Variants in COPG2 observed in about 807,000 individuals in gnomAD.
COPG2 encodes the protein coatomer subunit gamma-2.
A neutral mutation model predicts 46.3 loss-of-function variants in COPG2; 37 were observed. That is an observed-to-expected ratio of 0.80 (90% confidence interval 0.61 to 1.05). COPG2 has a LOEUF of 1.05. Ranked by LOEUF, COPG2 falls within the 50% of genes least tolerant of loss-of-function variation. The probability of loss-of-function intolerance (pLI) is 0.00; values close to 1 mark genes in which losing one functional copy is unlikely to be tolerated. For missense variants in COPG2, 427 were observed against 387.8 expected (o/e 1.10, Z -0.85); for synonymous variants, 159 against 129.7 (o/e 1.23, Z -1.53).
rs1554452466 is a variant in COPG2 at position 130,613,598 on chromosome 7, C to G, written c.438G>C (p.Gln146His). ...CACTGGAAACTTTATCCACAATGGC[C>G]TGCTTCATGTATCTTTCAATGGCTT... ...MLQAIERYMK[Q>H]AIVDKVSSVS... Residue 146 changes from glutamine (Q) to histidine (H), a missense_variant, in exon 7 of 24, where the codon CAG (glutamine) becomes CAC (histidine). Coordinates refer to ENST00000425248, the MANE Select transcript of COPG2 (RefSeq NM_012133.6). The G allele has an allele frequency of 1.2e-6, 2 of 1,602,400 alleles. No individual in the cohort carries two copies. The highest frequency in any genetic ancestry group is 1.7e-6 in the Non-Finnish European group (2 of 1,173,842).
chr7:130,573,455 A>C (rs1793943528), intron 9 of COPG2, among the ~76,000 whole-genome samples: 1 of 152,126 alleles, frequency 6.6e-6, no homozygotes, highest in South Asian at 2.1e-4. Context: ...AAATATCAGC[A>C]AACTGAATCC....
chr7:130,605,801 C>T (rs372028226), intron 9 of COPG2: 11 of 519,542 alleles, frequency 2.1e-5, no homozygotes, highest in Non-Finnish European at 4.2e-5. Context: ...CCCCATGAGG[C>T]CTGTGTCAGA....
At chr7:130,599,249 T>G (rs1794587142) in intron 9 of COPG2, among the ~76,000 whole-genome samples, 4 of 152,186 alleles carry the variant, frequency 2.6e-5, no homozygotes, top group Admixed American at 2.6e-4. Flanking sequence ...AGGCAGCAGT[T>G]TCACATGACT....
chr7:130,526,196 C>T (rs1029488518), intron 20 of COPG2, among the ~76,000 whole-genome samples: 1 of 151,970 alleles, frequency 6.6e-6, no homozygotes, highest in Non-Finnish European at 1.5e-5. Context: ...TAAGGGAAGG[C>T]GCTGGCCTGA....
At chr7:130,553,104 A>G (rs1446173236) in intron 14 of COPG2, among the ~76,000 whole-genome samples, 4 of 152,228 alleles carry the variant, frequency 2.6e-5, no homozygotes, top group Non-Finnish European at 5.9e-5. Context: ...GCAGGATAAG[A>G]GTATTAGAGG....
chr7:130,507,096 C>T, intron 23 of COPG2, among the ~76,000 whole-genome samples, 178 bp downstream of exon 23: 1 of 152,146 alleles, frequency 6.6e-6, no homozygotes, highest in East Asian at 1.9e-4. Context: ...GCCAAATGTA[C>T]ATCTTAAAAG....
chr7:130,557,990 A>G (rs1793659351), intron 12 of COPG2, among the ~76,000 whole-genome samples: 1 of 151,910 alleles, frequency 6.6e-6, no homozygotes, highest in Non-Finnish European at 1.5e-5. Context: ...CCAGAAACAG[A>G]CTCAAGTACA....
At chr7:130,603,531 C>A (rs1393272044) in intron 9 of COPG2, among the ~76,000 whole-genome samples, 1 of 151,774 alleles carries the variant, frequency 6.6e-6, no homozygotes, top group Admixed American at 6.6e-5. Flanking sequence ...ACCAGCCTGG[C>A]GAACATGGTC....
At chr7:130,595,923 G>A (rs1388822075) in intron 9 of COPG2, among the ~76,000 whole-genome samples, 5 of 152,148 alleles carry the variant, frequency 3.3e-5, no homozygotes, top group East Asian at 1.9e-4. Context: ...GAGTCTTCTC[G>A]TTCTCTGGAG....
intron 5 of COPG2, among the ~76,000 whole-genome samples, chr7:130,619,133 C>T (rs549782263): frequency 6.6e-6 from 1 of 152,246 alleles, no homozygotes; most frequent in East Asian, 1.9e-4. Flanking sequence ...TCCTATAAGG[C>T]AGTGTTATCC....
intron 5 of COPG2, among the ~76,000 whole-genome samples, chr7:130,646,508 T>C (rs1795596953): frequency 6.6e-6 from 1 of 152,210 alleles, no homozygotes; most frequent in Admixed American, 6.5e-5. Flanking sequence ...ACGGATGTAT[T>C]AGTGTCTCAA....
At chr7:130,613,496 T>A (rs1794893693) in intron 7 of COPG2, 48 bp downstream of exon 7, 1 of 1,197,858 alleles carries the variant, frequency 8.3e-7, no homozygotes, top group African/African-American at 1.5e-5. Flanking sequence ...TTTTCGCAAC[T>A]CAAAACTGTA....
intron 5 of COPG2, among the ~76,000 whole-genome samples, chr7:130,627,056 G>T (rs781960854): frequency 1.3e-5 from 2 of 152,104 alleles, no homozygotes; most frequent in Non-Finnish European, 2.9e-5. Flanking sequence ...CGTAATTTAC[G>T]TATTTTCCTT....
At chr7:130,507,076 T>C (rs1316220194) in intron 23 of COPG2, among the ~76,000 whole-genome samples, 198 bp downstream of exon 23, 1 of 151,992 alleles carries the variant, frequency 6.6e-6, no homozygotes, top group African/African-American at 2.4e-5. Context: ...GTTGGAGAGA[T>C]TTGTTTTGGG....
chr7:130,541,128 G>A (rs1014819522), intron 20 of COPG2, among the ~76,000 whole-genome samples: 24 of 152,260 alleles, frequency 1.6e-4, no homozygotes, highest in Admixed American at 3.9e-4. Flanking sequence ...TGTCAGGTGT[G>A]GGAACACAGT....
intron 5 of COPG2, among the ~76,000 whole-genome samples, chr7:130,627,971 T>C (rs2116536540): frequency 6.6e-6 from 1 of 152,274 alleles, no homozygotes; most frequent in South Asian, 2.1e-4. Context: ...TTAGGGAGAT[T>C]TTGAGTCATT....
At chr7:130,576,440 GA>G (rs1372999242) in intron 9 of COPG2, among the ~76,000 whole-genome samples, 1 of 152,176 alleles carries the variant, frequency 6.6e-6, no homozygotes, top group Non-Finnish European at 1.5e-5. Flanking sequence ...CAAATACATG[GA>G]AATTAAATAA....
chr7:130,564,376 A>T lies in COPG2; in HGVS notation c.755T>A (p.Phe252Tyr), dbSNP rs1723414747. 2 of 398,608 alleles carry T rather than the reference A, an allele frequency of 5.0e-6. No homozygotes were observed. Among genetic ancestry groups the T allele is most frequent in the Non-Finnish European group, 8.8e-6 (2 of 226,050 alleles). 24.7% of individuals were successfully genotyped at this position (398,608 alleles called of 1,614,324 possible). ...ETEDGHESPL[F>Y]DFIESCLRNK... ...TCGCAAGCAGCTCTCAATGAAATCA[A>T]ACAGTGGACTTTCATGGCTGCCAAT... is the stretch of plus-strand genomic sequence containing the variant. The change falls in exon 10 of 24, where the codon TTT (phenylalanine) becomes TAT (tyrosine). Residue 252 changes from phenylalanine to tyrosine, a missense_variant. Phe to Tyr is a conservative substitution (Grantham distance 22). Transcript: ENST00000425248.
intron 5 of COPG2, among the ~76,000 whole-genome samples, chr7:130,644,247 A>G (rs569082417): frequency 6.6e-6 from 1 of 152,300 alleles, no homozygotes; most frequent in African/African-American, 2.4e-5. Context: ...TACTTTTAGG[A>G]TAAGTTCTCT....
Sources: allele counts gnomAD v4.1 joint callset (sites outside exome capture counted in the v4.1 genomes callset), GRCh38; gene constraint gnomAD v4.1.1; transcripts MANE v1.5; gene names NCBI Gene and HGNC (gene_info 2026-07-23, HGNC 2026-07-21).